The following PARP2 variants were observed in gnomAD, a reference collection of about 807,000 sequenced individuals.
The protein encoded by PARP2 is poly [ADP-ribose] polymerase 2.
A neutral mutation model predicts 77.8 loss-of-function variants in PARP2; 57 were observed. The observed-to-expected ratio is 0.73, with a 90% confidence interval of 0.59 to 0.91. PARP2 has a LOEUF of 0.91. PARP2 is among the 40% of genes least tolerant of loss of function. The pLI is 0.00. For synonymous variants in PARP2, 226 were observed against 242.6 expected, an observed-to-expected ratio of 0.93 and a Z score of 0.64; for missense variants, 651 against 689.0, an observed-to-expected ratio of 0.94 and a Z score of 0.62.
chr14:20,355,301 T>C (rs1216289831), intron 9 of PARP2: 1 of 196,570 alleles, frequency 5.1e-6, no homozygotes, highest in Non-Finnish European at 1.0e-5. Flanking sequence ...TCAAGTGATA[T>C]TAGATAGACA....
chr14:20,350,873 T>C (rs1883928663), intron 5 of PARP2, 174 bp from the exon 6 acceptor site: 2 of 623,014 alleles, frequency 3.2e-6, no homozygotes, highest in Admixed American at 2.9e-5. Context: ...CTAGTAGTGC[T>C]CATAGACTAT....
At position 20,352,277 on chromosome 14, in the gene PARP2, A is replaced by C; in HGVS notation, c.530A>C (p.Asp177Ala). 6.2e-7 allele frequency: 1 copy of C among 1,613,358 alleles called. No individual in the cohort carries two copies. The highest frequency in any genetic ancestry group is 8.5e-7 in the Non-Finnish European group (1 of 1,179,224). ...GACAAAACGAAAAACAATTGGGAAG[A>C]TCGAGAAAAGTTTGAGAAGGTGCCT... is the stretch of plus-strand genomic sequence containing the variant. The part of the protein sequence containing the change: ...FLDKTKNNWE[D>A]REKFEKVPGK... The change falls in exon 7 of 16, where the codon GAT (aspartate) becomes GCT (alanine). Residue 177 changes from aspartate to alanine, a missense_variant. By Grantham distance (126) the Asp-to-Ala change is moderately radical. Transcript: ENST00000429687.
chr14:20,352,178 G>A (rs1883977053), intron 6 of PARP2, 67 bp from the exon 7 acceptor site: 7 of 818,996 alleles, frequency 8.5e-6, no homozygotes, highest in Admixed American at 6.1e-5. Flanking sequence ...GAGATTTTCT[G>A]TCTTGTAAGT....
At chr14:20,355,669 C>A in intron 9 of PARP2, 83 bp from the exon 10 acceptor site, 1 of 1,017,230 alleles carries the variant, frequency 9.8e-7, no homozygotes. Context: ...TCTAAAGGAC[C>A]TATCTGTCAT....
At chr14:20,346,554 G>C (rs1292329756) in intron 3 of PARP2, 2 of 221,368 alleles carry the variant, frequency 9.0e-6, no homozygotes, top group Non-Finnish European at 1.8e-5. Flanking sequence ...AGCTGGTCTC[G>C]AATGCCTGAC....
In PARP2 at chr14:20,345,012, C is replaced by T; in HGVS notation, c.127C>T (p.Gln43Ter). The change falls in exon 2 of 16, where the codon CAG (glutamine) becomes TAG (stop). Residue 43 changes from glutamine (Q) to a stop codon, truncating the protein, a stop_gained. Transcript: ENST00000429687. LOFTEE classifies it high-confidence loss of function. ...SSPAKKTRRC[Q>*]RQESKKMPVA... ...CCCTGCCAAGAAAACTCGTAGATGC[C>T]AGAGACAGGAGTCGAAAAAGATGCC... 1 of 1,613,762 alleles carries T rather than the reference C, an allele frequency of 6.2e-7. No individual in the cohort carries two copies. The highest frequency in any genetic ancestry group is 8.5e-7 in the Non-Finnish European group (1 of 1,179,756).
At chr14:20,348,174 G>A (rs767768970) in intron 4 of PARP2, among the ~76,000 whole-genome samples, 10 of 152,046 alleles carry the variant, frequency 6.6e-5, no homozygotes, top group South Asian at 2.1e-4. Flanking sequence ...GGGACAAGCT[G>A]TTTTGCACAT....
chr14:20,354,581 A>G (rs993284804), intron 8 of PARP2: 3 of 555,248 alleles, frequency 5.4e-6, no homozygotes, highest in African/African-American at 3.8e-5. Flanking sequence ...CCTGTGATCT[A>G]GCTACTTGCG....
At chr14:20,354,730 C>A (rs1884079740) in intron 8 of PARP2, 79 bp from the exon 9 acceptor site, 2 of 1,374,314 alleles carry the variant, frequency 1.5e-6, no homozygotes, top group South Asian at 1.4e-5. Flanking sequence ...AGATGAAAGT[C>A]TTTTTTAGGG....
chr14:20,355,137 T>C (rs1268619634), intron 9 of PARP2, 190 bp downstream of exon 9: 1 of 522,704 alleles, frequency 1.9e-6, no homozygotes, highest in Non-Finnish European at 3.3e-6. Context: ...ATCTCCCGGC[T>C]TGACCACAGC....
At position 20,345,069 on chromosome 14, in the gene PARP2, A is replaced by G; in HGVS notation, c.184A>G (p.Thr62Ala). The G allele has an allele frequency of 6.2e-7, 1 of 1,614,192 alleles. No homozygotes were observed. The highest frequency in any genetic ancestry group is 8.5e-7 in the Non-Finnish European group (1 of 1,180,006). The change falls in exon 2 of 16, where the codon ACA becomes GCA. Residue 62 changes from threonine to alanine, a missense_variant. Physicochemically the swap from Thr to Ala is moderately conservative, Grantham distance 58 (BLOSUM62 0). Coordinates refer to ENST00000429687, the MANE Select transcript of PARP2 (RefSeq NM_001042618.2). The part of the protein sequence containing the change: ...VAGGKANKDR[T>A]EDKQDESVKA... ...TGGAGGAAAAGCTAATAAGGACAGGACAGAAGACAAGCAAGATGGTATGCC... is the reference window on the plus strand; with the variant it reads ...TGGAGGAAAAGCTAATAAGGACAGGGCAGAAGACAAGCAAGATGGTATGCC...
chr14:20,357,656 A>C lies in PARP2; in HGVS notation c.1572A>C (p.Pro524=), dbSNP rs751629734. 6.2e-7 allele frequency: 1 copy of C among 1,613,734 alleles called. No individual in the cohort carries two copies. The highest frequency in any genetic ancestry group is 8.5e-7 in the Non-Finnish European group (1 of 1,179,898). ...TTGGCAGGAATGGGAGTACAGTGCC[A>C]TTAGGACCAGCAAGTGACACAGGAA... ...HFVTLNGSTV[P]LGPASDTGIL... is the part of the protein sequence containing the mutation. The change falls in exon 16 of 16, where the codon CCA becomes CCC. Residue 524 remains proline, a synonymous_variant. Transcript: ENST00000429687.
At chr14:20,351,772 G>A (rs1424097110) in intron 6 of PARP2, among the ~76,000 whole-genome samples, 1 of 151,996 alleles carries the variant, frequency 6.6e-6, no homozygotes, top group Non-Finnish European at 1.5e-5. Context: ...CCAGCACTTT[G>A]GGAGGTTGAG....
In PARP2 at chr14:20,356,049, T is replaced by A. The variant is rs1884138045; in HGVS notation, c.1101+18T>A. On this transcript the variant is annotated intron_variant, in intron 11 of 15. Transcript: ENST00000429687. Reference sequence around the variant, plus strand: ...AGTTCAAAGTAAGAAAAATGATCATTTATTTTCATATTCTTGCACCCTTAA... The same window carrying A: ...AGTTCAAAGTAAGAAAAATGATCATATATTTTCATATTCTTGCACCCTTAA... 1 of 1,612,514 alleles carries A rather than the reference T, an allele frequency of 6.2e-7. No homozygotes were observed. The highest frequency in any genetic ancestry group is 8.5e-7 in the Non-Finnish European group (1 of 1,179,146).
At position 20,355,945 on chromosome 14, in the gene PARP2, C is replaced by T; in HGVS notation, c.1015C>T (p.Gln339Ter). Residue 339 changes from glutamine to a stop codon, truncating the protein, a stop_gained, in exon 11 of 16, where the codon CAA becomes TAA. Transcript: ENST00000429687. LOFTEE classifies it high-confidence loss of function. ...IAIKLVKTEL[Q>*]SPEHPLDQHY... is the part of the protein sequence containing the mutation. ...TATTAAGCTGGTGAAAACAGAGCTACAAAGCCCAGAACACCCATTGGACCA... is the reference window on the plus strand; with the variant it reads ...TATTAAGCTGGTGAAAACAGAGCTATAAAGCCCAGAACACCCATTGGACCA... 6.2e-7 allele frequency: 1 copy of T among 1,614,138 alleles called. No homozygotes were observed. Among genetic ancestry groups the T allele is most frequent in the Non-Finnish European group, 8.5e-7 (1 of 1,179,970 alleles).
chr14:20,356,181 T>C (rs778288330), intron 11 of PARP2, 126 bp from the exon 12 acceptor site: 7 of 1,408,974 alleles, frequency 5.0e-6, no homozygotes, highest in East Asian at 2.3e-5. Context: ...AAGCTTTTCC[T>C]AGCTGCCTTG....
Position 20,350,572 on chromosome 14 carries a change from TAGA to T in PARP2, c.375_377del (p.Glu125del). The T allele has an allele frequency of 6.2e-7, 1 of 1,611,764 alleles. No individual in the cohort carries two copies. Among genetic ancestry groups the T allele is most frequent in the African/African-American group, 1.3e-5 (1 of 75,030 alleles). On this transcript the variant is annotated inframe_deletion, in exon 5 of 16. Coordinates refer to ENST00000429687, the MANE Select transcript of PARP2 (RefSeq NM_001042618.2). The stretch of plus-strand genomic sequence containing the variant: ...AACAAGTACTATCTGATTCAGCTAT[TAGA>T]AGATGATGCCCAGAGGAACTTCAGT...
intron 4 of PARP2, among the ~76,000 whole-genome samples, chr14:20,347,389 TA>T (rs1566418424): frequency 1.5e-3 from 32 of 21,356 alleles, no homozygotes; most frequent in African/African-American, 5.2e-3. Context: ...TATATATATA[TA>T]TATATATATT....
At position 20,356,983 on chromosome 14, in the gene PARP2, G is replaced by A. The variant is rs1003881550; in HGVS notation, c.1330-68G>A. On this transcript the variant is annotated intron_variant, in intron 13 of 15. Coordinates refer to ENST00000429687, the MANE Select transcript of PARP2 (RefSeq NM_001042618.2). ...TTAAGGGAATGGAAAAACAGGGTCAGTGGTATGCACCTTCTCTCTAACACA... is the reference window on the plus strand; with the variant it reads ...TTAAGGGAATGGAAAAACAGGGTCAATGGTATGCACCTTCTCTCTAACACA... The A allele has an allele frequency of 5.2e-6, 5 of 963,760 alleles. No individual in the cohort carries two copies. The Admixed American group carries it at 8.5e-5, about 16-fold the overall frequency. 59.7% of individuals were successfully genotyped at this position (963,760 alleles called of 1,614,324 possible). A position where few individuals can be genotyped will look rare whatever the true frequency, so the allele number is the denominator to read the frequency against.
Sources: gnomAD v4.1 joint callset for allele counts (sites outside exome capture counted in the v4.1 genomes callset) on GRCh38, gnomAD v4.1.1 for gene constraint, MANE v1.5 for transcripts, NCBI Gene and HGNC (gene_info 2026-07-23, HGNC 2026-07-21) for gene names.